Variants in AP2A2 observed in about 807,000 individuals in gnomAD.
AP2A2 encodes the protein adaptor related protein complex 2 subunit alpha 2.
AP2A2 carries 32 observed loss-of-function variants against 104.2 expected under a neutral mutation model. That is an observed-to-expected ratio of 0.31 (90% CI 0.23 to 0.41). The LOEUF (loss-of-function observed/expected upper bound fraction) is 0.41. AP2A2 is among the 10% of genes least tolerant of loss of function. AP2A2 has a pLI of 1.00. For synonymous variants in AP2A2, 539 were observed against 533.3 expected (o/e 1.01, Z -0.15); for missense variants, 912 against 1,261.0 (o/e 0.72, Z 4.19).
At chr11:959,602 A>G in intron 2 of AP2A2, 97 bp downstream of exon 2, 2 of 793,854 alleles carry the variant, frequency 2.5e-6, no homozygotes, top group Non-Finnish European at 4.1e-6. Flanking sequence ...TCCCACACTA[A>G]AGTGAAGTTC....
At chr11:971,799 C>T (rs1286667211) in intron 3 of AP2A2, among the ~76,000 whole-genome samples, 1 of 152,210 alleles carries the variant, frequency 6.6e-6, no homozygotes, top group East Asian at 1.9e-4. Flanking sequence ...TTCCTGTTGG[C>T]ATCTGGCTCG....
At position 1,011,579 on chromosome 11, in the gene AP2A2, T is replaced by C. The variant is rs748178986; in HGVS notation, c.*954T>C. Reference sequence around the variant, plus strand: ...CTTGTGTCTCACCTGTCATCTGGACTCAGCACCCAGGCTGCACGTCTGACA... The same window carrying C: ...CTTGTGTCTCACCTGTCATCTGGACCCAGCACCCAGGCTGCACGTCTGACA... On this transcript the variant is annotated 3_prime_UTR_variant, in exon 22 of 22. Coordinates refer to ENST00000448903, the MANE Select transcript of AP2A2 (RefSeq NM_012305.4). 6.7e-6 allele frequency: 3 copies of C among 445,822 alleles called. No individual in the cohort carries two copies. Among genetic ancestry groups the C allele is most frequent in the Admixed American group, 4.9e-5 (2 of 40,406 alleles). 27.6% of individuals were successfully genotyped at this position (445,822 alleles called of 1,614,324 possible).
At chr11:958,921 G>C (rs1854331556) in intron 1 of AP2A2, among the ~76,000 whole-genome samples, 2 of 152,212 alleles carry the variant, frequency 1.3e-5, no homozygotes, top group South Asian at 4.1e-4. Context: ...TGTTGCAGAG[G>C]CTGCATCTGT....
chr11:1,009,907 G>A, intron 21 of AP2A2, 90 bp downstream of exon 21: 1 of 1,435,196 alleles, frequency 7.0e-7, no homozygotes, highest in South Asian at 1.4e-5. Context: ...CTTTAGTGCA[G>A]TTCAGTCAGT....
At chr11:950,734 A>G (rs1854023303) in intron 1 of AP2A2, among the ~76,000 whole-genome samples, 1 of 152,170 alleles carries the variant, frequency 6.6e-6, no homozygotes, top group Non-Finnish European at 1.5e-5. Context: ...CGTGTACCTG[A>G]TAAAGGGCTC....
rs564490983 is a variant in AP2A2 at position 985,721 on chromosome 11, G to A, written c.962+139G>A. 74 of 1,267,410 alleles carry A rather than the reference G, an allele frequency of 5.8e-5. No individual in the cohort carries two copies. The East Asian group carries it at 1.4e-3, about 24-fold the overall frequency. The allele number at this position is 1,267,410 out of a possible 1,614,324, so 78.5% of individuals were successfully genotyped here. ...TCGTCCTGCCTCTGTGCTCCCTGCC[G>A]GATGCTTTTTTTCTTTCTGTGCAGC... On this transcript the variant is annotated intron_variant, in intron 8 of 21. Coordinates refer to ENST00000448903, the MANE Select transcript of AP2A2 (RefSeq NM_012305.4).
chr11:1,000,829 G>A (rs918029066), intron 15 of AP2A2, among the ~76,000 whole-genome samples: 1 of 152,212 alleles, frequency 6.6e-6, no homozygotes, highest in African/African-American at 2.4e-5. Flanking sequence ...AGGAAAAGGA[G>A]GACATGAAAG....
At chr11:1,006,706 T>A (rs1856220473) in intron 17 of AP2A2, 89 bp downstream of exon 17, 2 of 987,226 alleles carry the variant, frequency 2.0e-6, no homozygotes, top group East Asian at 4.8e-5. Flanking sequence ...GTTTTCTTAT[T>A]TTGTTAAAAT....
intron 1 of AP2A2, 95 bp downstream of exon 1, chr11:926,183 T>C: frequency 2.6e-6 from 2 of 755,142 alleles, no homozygotes; most frequent in Non-Finnish European, 3.3e-6. Flanking sequence ...GAGGCGGGGG[T>C]GCAGGCTGGG....
chr11:954,882 T>G (rs1261764568), intron 1 of AP2A2, among the ~76,000 whole-genome samples: 1 of 152,234 alleles, frequency 6.6e-6, no homozygotes, highest in African/African-American at 2.4e-5. Flanking sequence ...CTCTACATTA[T>G]GTGCTGTTTG....
intron 16 of AP2A2, among the ~76,000 whole-genome samples, chr11:1,004,081 T>C (rs564907700): frequency 3.9e-5 from 6 of 152,186 alleles, no homozygotes; most frequent in Non-Finnish European, 8.8e-5. Context: ...AATACAGGAA[T>C]GCTCAATAAG....
chr11:978,771 C>T (rs1419600699), intron 5 of AP2A2, among the ~76,000 whole-genome samples: 5 of 152,158 alleles, frequency 3.3e-5, no homozygotes, highest in Non-Finnish European at 4.4e-5. Context: ...ATTTGCTCAC[C>T]TAGAGTGAGT....
intron 10 of AP2A2, among the ~76,000 whole-genome samples, chr11:989,150 T>C (rs968395026): frequency 1.3e-5 from 2 of 151,804 alleles, no homozygotes; most frequent in Non-Finnish European, 2.9e-5. Context: ...GGGGAAACCC[T>C]GACCCCGTCT....
intron 1 of AP2A2, chr11:947,099 C>T (rs936469197): frequency 2.0e-5 from 3 of 151,608 alleles, no homozygotes; most frequent in Non-Finnish European, 2.9e-5. Context: ...CAGCCCCCAC[C>T]TCCCGGACTC....
rs1439623202 is a variant in AP2A2 at position 992,784 on chromosome 11, C to T, written c.1452+99C>T. ...CTGCCTGCGTGGAGGTGCCGAGGGCCGTTGCTGACCCCTCTTGCCCCTCAG... is the reference window on the plus strand; with the variant it reads ...CTGCCTGCGTGGAGGTGCCGAGGGCTGTTGCTGACCCCTCTTGCCCCTCAG... On this transcript the variant is annotated intron_variant, in intron 11 of 21. Coordinates refer to ENST00000448903, the MANE Select transcript of AP2A2 (RefSeq NM_012305.4). This position sits in a 1 kb window ranked among gnomAD's most constrained non-coding sequence, Gnocchi z 6.4. 3.3e-5 allele frequency: 44 copies of T among 1,318,330 alleles called. No individual in the cohort carries two copies. Among genetic ancestry groups the T allele is most frequent in the East Asian group, 7.2e-5 (3 of 41,750 alleles). 81.7% of individuals were successfully genotyped at this position (1,318,330 alleles called of 1,614,324 possible). A position where few individuals can be genotyped will look rare whatever the true frequency, so the allele number is the denominator to read the frequency against.
chr11:994,475 G>A (rs1050936315), intron 14 of AP2A2, among the ~76,000 whole-genome samples: 10 of 150,626 alleles, frequency 6.6e-5, no homozygotes, highest in Non-Finnish European at 8.9e-5. Context: ...GTCCTGTCCC[G>A]GGGGCCACTG....
intron 14 of AP2A2, among the ~76,000 whole-genome samples, chr11:997,911 A>G (rs907250729): frequency 6.6e-6 from 1 of 152,214 alleles, no homozygotes; most frequent in Non-Finnish European, 1.5e-5. Context: ...TCTCAAAAAA[A>G]TAAAATAAAA....
At position 985,542 on chromosome 11, in the gene AP2A2, G is replaced by T; in HGVS notation, c.922G>T (p.Val308Leu). The T allele has an allele frequency of 1.9e-6, 3 of 1,613,950 alleles. No individual in the cohort carries two copies. The South Asian group carries it at 3.3e-5, about 18-fold the overall frequency. Reference sequence around the variant, plus strand: ...CCAGCACTCCAACGCGAAGAATGCCGTGCTCTTCGAGGCCATCAGCTTAAT... The same window carrying T: ...CCAGCACTCCAACGCGAAGAATGCCTTGCTCTTCGAGGCCATCAGCTTAAT... ...KVQHSNAKNA[V>L]LFEAISLIIH... is the part of the protein sequence containing the mutation. Residue 308 changes from valine to leucine, a missense_variant, in exon 8 of 22, where the codon GTG becomes TTG. Coordinates refer to ENST00000448903, the MANE Select transcript of AP2A2 (RefSeq NM_012305.4).
rs1856448853 is a variant in AP2A2 at position 1,011,932 on chromosome 11, C to T, written c.*1307C>T. ...GGCTTTGATCACAGCATAGCCACGT[C>T]AGTGGCGTGCGCCTCTCGCACAGGC... On this transcript the variant is annotated 3_prime_UTR_variant, in exon 22 of 22. Coordinates refer to ENST00000448903, the MANE Select transcript of AP2A2 (RefSeq NM_012305.4). The T allele has an allele frequency of 1.7e-5, 3 of 176,648 alleles. No homozygotes were observed. The highest frequency in any genetic ancestry group is 2.6e-4 in the South Asian group (2 of 7,744). 10.9% of individuals were successfully genotyped at this position (176,648 alleles called of 1,614,324 possible). A position where few individuals can be genotyped will look rare whatever the true frequency, so the allele number is the denominator to read the frequency against.
Sources: allele counts gnomAD v4.1 joint callset (sites outside exome capture counted in the v4.1 genomes callset), GRCh38; gene constraint gnomAD v4.1.1; non-coding constraint Gnocchi (gnomAD v3.1); transcripts MANE v1.5; gene names NCBI Gene and HGNC (gene_info 2026-07-23, HGNC 2026-07-21).